The following SMOC2 variants were observed in gnomAD, a reference collection of about 807,000 sequenced individuals.
SMOC2 encodes SPARC related modular calcium binding 2.
Under a neutral mutation model 61.4 loss-of-function variants are expected in SMOC2, and 39 were observed. That is an observed-to-expected ratio of 0.64 (90% CI 0.49 to 0.83). The LOEUF (loss-of-function observed/expected upper bound fraction) is 0.83. SMOC2 is among the 40% of genes least tolerant of loss of function. The pLI, the probability that SMOC2 is intolerant of heterozygous loss-of-function variation, is 0.00. For missense variants in SMOC2, 556 were observed against 592.9 expected (o/e 0.94, Z 0.65); for synonymous variants, 247 against 239.9 (o/e 1.03, Z -0.27).
At chr6:168,576,793 C>T (rs1005537008) in intron 7 of SMOC2, among the ~76,000 whole-genome samples, 28 of 152,014 alleles carry the variant, frequency 1.8e-4, no homozygotes, top group African/African-American at 6.5e-4. Flanking sequence ...AGGGATCACC[C>T]GTCAGAGACT....
At chr6:168,602,991 C>CGTGT (rs1774010162) in intron 8 of SMOC2, among the ~76,000 whole-genome samples, 1 of 152,166 alleles carries the variant, frequency 6.6e-6, no homozygotes, top group African/African-American at 2.4e-5. Flanking sequence ...ATAATCCCCA[C>CGTGT]ATGTCGTGGG....
At chr6:168,474,569 C>T (rs766017880) in intron 1 of SMOC2, among the ~76,000 whole-genome samples, 1 of 152,128 alleles carries the variant, frequency 6.6e-6, no homozygotes. Flanking sequence ...CCTTTAAATA[C>T]TATTTGTGCT....
intron 1 of SMOC2, among the ~76,000 whole-genome samples, chr6:168,465,999 CTG>C (rs1781823229): frequency 9.7e-6 from 1 of 103,020 alleles, no homozygotes; most frequent in Non-Finnish European, 1.9e-5. Context: ...ACGTGCTGCT[CTG>C]AGAGCTGGAA....
At chr6:168,538,466 G>A (rs1194456466) in intron 4 of SMOC2, among the ~76,000 whole-genome samples, 8 of 87,028 alleles carry the variant, frequency 9.2e-5, no homozygotes, top group East Asian at 4.3e-4. Context: ...CTGCTGGAAT[G>A]TGGGGGAGTG....
At chr6:168,517,587 G>T (rs972470718) in intron 2 of SMOC2, among the ~76,000 whole-genome samples, 3 of 152,232 alleles carry the variant, frequency 2.0e-5, no homozygotes, top group African/African-American at 7.2e-5. Flanking sequence ...CCGGAGCCAC[G>T]GGTGTCTCAC....
chr6:168,638,722 C>A (rs971907833), intron 9 of SMOC2, among the ~76,000 whole-genome samples: 1 of 152,080 alleles, frequency 6.6e-6, no homozygotes, highest in African/African-American at 2.4e-5. Flanking sequence ...CTGGGGTGGG[C>A]GGCTGACAGG....
chr6:168,529,575 G>A (rs1431764059), intron 4 of SMOC2, among the ~76,000 whole-genome samples: 3 of 152,060 alleles, frequency 2.0e-5, no homozygotes, highest in Non-Finnish European at 2.9e-5. Flanking sequence ...CTTCCCCTCC[G>A]CACACATGTG....
chr6:168,598,679 C>A, intron 7 of SMOC2, 139 bp from the exon 8 acceptor site: 1 of 932,948 alleles, frequency 1.1e-6, no homozygotes, highest in Non-Finnish European at 1.7e-6. Context: ...GCTGTGCCCC[C>A]CACGCTGGCA....
intron 7 of SMOC2, among the ~76,000 whole-genome samples, chr6:168,575,528 G>A (rs761842208): frequency 9.9e-5 from 15 of 152,132 alleles, no homozygotes; most frequent in Non-Finnish European, 1.6e-4. Context: ...TCAGTTCCCC[G>A]ATGCAGAAGA....
At chr6:168,620,900 G>T (rs1475992292) in intron 9 of SMOC2, among the ~76,000 whole-genome samples, 1 of 152,118 alleles carries the variant, frequency 6.6e-6, no homozygotes, top group Non-Finnish European at 1.5e-5. Flanking sequence ...GAATTTAATT[G>T]GACAGACTAA....
rs910211869 is a variant in SMOC2 at position 168,666,405 on chromosome 6, G to C, written c.1324-16G>C. The C allele has an allele frequency of 6.2e-7, 1 of 1,612,374 alleles. No individual in the cohort carries two copies. The highest frequency in any genetic ancestry group is 8.5e-7 in the Non-Finnish European group (1 of 1,179,500). On this transcript the variant is annotated splice_polypyrimidine_tract_variant and intron_variant, in intron 12 of 12. Transcript: ENST00000356284. ...CCTCTGAATATAATGTCTCTTTTTT[G>C]TTTTTTCCTTTTCAGCCAAGGAAAC...
chr6:168,619,116 G>A (rs1786180003), intron 9 of SMOC2, among the ~76,000 whole-genome samples: 1 of 152,154 alleles, frequency 6.6e-6, no homozygotes. Context: ...ACAGCACATT[G>A]TTGAGTTATT....
At position 168,452,834 on chromosome 6, in the gene SMOC2, C is replaced by A. The variant is rs547177454; in HGVS notation, c.84+11380C>A. On this transcript the variant is annotated intron_variant, in intron 1 of 12. Transcript: ENST00000356284. This position sits in a 1 kb window ranked among gnomAD's most constrained non-coding sequence, Gnocchi z 5.0. ...TAGAAGGCAGCAGGAAGGAGGGCAG[C>A]CCGCCAGGCCGAGGCTTTTGTCCTG... 6.6e-6 allele frequency among the ~76,000 whole-genome samples: 1 copy of A among 152,356 alleles called. No homozygotes were observed. Among genetic ancestry groups the A allele is most frequent in the Admixed American group, 6.5e-5 (1 of 15,310 alleles).
At position 168,493,159 on chromosome 6, in the gene SMOC2, C is replaced by G. The variant is rs544272733; in HGVS notation, c.85-16756C>G. 1.3e-3 allele frequency among the ~76,000 whole-genome samples: 196 copies of G among 152,118 alleles called. 1 individual carries two copies. The highest frequency in any genetic ancestry group is 4.6e-3 in the African/African-American group (191 of 41,502). ...TCAGGCAATTCTCCTGTCTTAGTATCCTGAGTAGCTGGGACTACAGGTACA... is the reference window on the plus strand; with the variant it reads ...TCAGGCAATTCTCCTGTCTTAGTATGCTGAGTAGCTGGGACTACAGGTACA... On this transcript the variant is annotated intron_variant, in intron 1 of 12. Transcript: ENST00000356284.
intron 2 of SMOC2, among the ~76,000 whole-genome samples, chr6:168,519,350 A>C (rs1039972011): frequency 6.6e-6 from 1 of 152,126 alleles, no homozygotes; most frequent in Non-Finnish European, 1.5e-5. Context: ...CACCCTTTCC[A>C]GGTTGGATTT....
At position 168,557,864 on chromosome 6, in the gene SMOC2, C is replaced by T. The variant is rs1192886028; in HGVS notation, c.637+8661C>T. ...GAATAGCCATGTGAACTTGGAGCTGCTTGTCTCATAGGAAGTTCATTTTTC... is the reference window on the plus strand; with the variant it reads ...GAATAGCCATGTGAACTTGGAGCTGTTTGTCTCATAGGAAGTTCATTTTTC... On this transcript the variant is annotated intron_variant, in intron 7 of 12. Coordinates refer to ENST00000356284, the MANE Select transcript of SMOC2 (RefSeq NM_001166412.2). Among the ~76,000 whole-genome samples, 3 of 152,344 alleles carry T rather than the reference C, an allele frequency of 2.0e-5. 1 individual carries two copies. The East Asian group carries it at 5.8e-4, about 29-fold the overall frequency.
chr6:168,550,210 T>G (rs1039768709), intron 7 of SMOC2, among the ~76,000 whole-genome samples: 2 of 152,192 alleles, frequency 1.3e-5, no homozygotes, highest in Admixed American at 1.3e-4. Flanking sequence ...GCTGAGGAAA[T>G]ACGGAGTTAG....
At chr6:168,507,317 C>T (rs1172447913) in intron 1 of SMOC2, among the ~76,000 whole-genome samples, 5 of 152,144 alleles carry the variant, frequency 3.3e-5, no homozygotes, top group African/African-American at 4.8e-5. Context: ...TTAATAGGGC[C>T]GGCCCCTGTT....
At chr6:168,600,215 G>C (rs1288802553) in intron 8 of SMOC2, among the ~76,000 whole-genome samples, 2 of 152,026 alleles carry the variant, frequency 1.3e-5, no homozygotes, top group East Asian at 3.9e-4. Flanking sequence ...AGACCAGCCT[G>C]GACAATATAG....
Sources: gnomAD v4.1 joint callset for allele counts (sites outside exome capture counted in the v4.1 genomes callset) on GRCh38, gnomAD v4.1.1 for gene constraint, Gnocchi (gnomAD v3.1) non-coding constraint, MANE v1.5 for transcripts, NCBI Gene and HGNC (gene_info 2026-07-23, HGNC 2026-07-21) for gene names.